The following SLC39A11 variants were observed in gnomAD, a reference collection of about 807,000 sequenced individuals.
SLC39A11 encodes zinc transporter ZIP11.
SLC39A11 carries 33 observed loss-of-function variants against 36.1 expected under a neutral mutation model. The observed-to-expected ratio is 0.91, with a 90% CI of 0.69 to 1.22. The LOEUF is 1.22. Ranked by LOEUF, SLC39A11 falls within the 50% of genes most tolerant of loss-of-function variation. The pLI is 0.00. For missense variants in SLC39A11, 432 were observed against 430.3 expected, an observed-to-expected ratio of 1.00 and a Z score of -0.03; for synonymous variants, 166 against 170.3, an observed-to-expected ratio of 0.97 and a Z score of 0.20.
intron 7 of SLC39A11, among the ~76,000 whole-genome samples, chr17:72,731,071 TATTA>T (rs1333640873): frequency 2.6e-5 from 4 of 152,104 alleles, no homozygotes; most frequent in Admixed American, 6.5e-5. Context: ...TTTCTTTACG[TATTA>T]TTTAGGGCTA....
intron 6 of SLC39A11, among the ~76,000 whole-genome samples, chr17:72,833,757 T>C (rs2078388411): frequency 6.6e-6 from 1 of 152,102 alleles, no homozygotes; most frequent in African/African-American, 2.4e-5. Context: ...TCAGCCCTTG[T>C]GCAGCTCCTT....
chr17:72,822,617 G>A (rs539190684), intron 6 of SLC39A11, among the ~76,000 whole-genome samples: 2 of 151,250 alleles, frequency 1.3e-5, no homozygotes, highest in South Asian at 2.1e-4. Flanking sequence ...CTGGTCAGGC[G>A]TTCTCACCAG....
chr17:72,680,286 T>C (rs2071457219), intron 7 of SLC39A11, among the ~76,000 whole-genome samples: 1 of 152,138 alleles, frequency 6.6e-6, no homozygotes, highest in South Asian at 2.1e-4. Context: ...TGACTCTGCT[T>C]CTGTCTCTAT....
intron 5 of SLC39A11, among the ~76,000 whole-genome samples, chr17:72,924,373 T>C (rs1264805182): frequency 6.6e-6 from 1 of 151,990 alleles, no homozygotes; most frequent in African/African-American, 2.4e-5. Context: ...AAGTGGCCTG[T>C]AATTAAATCC....
At chr17:73,007,253 T>C (rs2344570) in intron 4 of SLC39A11, among the ~76,000 whole-genome samples, 28,409 of 152,052 alleles carry the variant, frequency 0.19, 3,489 homozygotes, top group East Asian at 0.34. Context: ...AAATCCCATC[T>C]CTACTAAAAT....
chr17:72,801,411 G>A (rs777218362), intron 6 of SLC39A11, among the ~76,000 whole-genome samples: 8 of 152,202 alleles, frequency 5.3e-5, no homozygotes, highest in Non-Finnish European at 1.2e-4. Context: ...TGTTTTAGTA[G>A]AGACAGGGTT....
intron 7 of SLC39A11, among the ~76,000 whole-genome samples, chr17:72,707,570 TAAG>T (rs1205962809): frequency 6.6e-6 from 1 of 152,142 alleles, no homozygotes; most frequent in Non-Finnish European, 1.5e-5. Flanking sequence ...AAAGATCACT[TAAG>T]GAGGAGAAAT....
At chr17:73,089,245 C>T (rs1313517126) in intron 1 of SLC39A11, among the ~76,000 whole-genome samples, 1 of 152,138 alleles carries the variant, frequency 6.6e-6, no homozygotes, top group Non-Finnish European at 1.5e-5. Flanking sequence ...ATCACATCTG[C>T]AACAGCGCAC....
chr17:72,736,286 A>T (rs2074426124), intron 7 of SLC39A11, among the ~76,000 whole-genome samples: 1 of 152,176 alleles, frequency 6.6e-6, no homozygotes, highest in Non-Finnish European at 1.5e-5. Context: ...GGACCCTAGC[A>T]TCAAGAAAGA....
intron 7 of SLC39A11, among the ~76,000 whole-genome samples, chr17:72,708,884 G>T (rs1042827258): frequency 2.0e-4 from 30 of 152,056 alleles, no homozygotes; most frequent in African/African-American, 6.5e-4. Flanking sequence ...CATAACGCAT[G>T]AACTTTGCCT....
At chr17:72,647,813 C>A in intron 9 of SLC39A11, 151 bp from the exon 10 acceptor site, 4 of 629,476 alleles carry the variant, frequency 6.4e-6, no homozygotes, top group Non-Finnish European at 5.7e-6. Flanking sequence ...ATGTGCCAGG[C>A]AAACTAATGA....
At chr17:72,765,335 C>A (rs576535072) in intron 6 of SLC39A11, among the ~76,000 whole-genome samples, 3 of 152,200 alleles carry the variant, frequency 2.0e-5, no homozygotes, top group Non-Finnish European at 2.9e-5. Context: ...CCAATGATTG[C>A]ATTCACAACA....
intron 7 of SLC39A11, among the ~76,000 whole-genome samples, chr17:72,661,967 C>T (rs1210074329): frequency 1.3e-5 from 2 of 152,160 alleles, no homozygotes; most frequent in Non-Finnish European, 2.9e-5. Flanking sequence ...TCACTGACTC[C>T]CAGAGGAATG....
At chr17:72,792,849 C>T (rs571694942) in intron 6 of SLC39A11, among the ~76,000 whole-genome samples, 18 of 152,290 alleles carry the variant, frequency 1.2e-4, no homozygotes, top group African/African-American at 3.6e-4. Flanking sequence ...ATAAACACTG[C>T]CCATTGTGCG....
intron 4 of SLC39A11, among the ~76,000 whole-genome samples, chr17:73,021,960 C>T (rs1307306005): frequency 1.3e-5 from 2 of 152,228 alleles, no homozygotes; most frequent in African/African-American, 2.4e-5. Flanking sequence ...TGTGTGCGCG[C>T]GTGTTCGTGC....
chr17:72,903,968 T>A (rs1354023274), intron 5 of SLC39A11, among the ~76,000 whole-genome samples: 3 of 152,160 alleles, frequency 2.0e-5, no homozygotes, highest in African/African-American at 7.2e-5. Flanking sequence ...TTAATAGTGC[T>A]GAAGACGGGA....
At chr17:73,069,006 C>A (rs1449749739) in intron 3 of SLC39A11, among the ~76,000 whole-genome samples, 1 of 152,174 alleles carries the variant, frequency 6.6e-6, no homozygotes, top group African/African-American at 2.4e-5. Context: ...CCTCAACCTA[C>A]CTCTCTGGCA....
At chr17:72,670,204 CACACACACATAT>C (rs763671685) in intron 7 of SLC39A11, among the ~76,000 whole-genome samples, 247 of 79,578 alleles carry the variant, frequency 3.1e-3, no homozygotes, top group African/African-American at 5.5e-3. Flanking sequence ...CACACACACA[CACACACACATAT>C]ATATATATGC....
chr17:73,008,071 C>A (rs2090282187), intron 4 of SLC39A11, among the ~76,000 whole-genome samples: 1 of 149,070 alleles, frequency 6.7e-6, no homozygotes, highest in Non-Finnish European at 1.5e-5. Context: ...CCACTGCACT[C>A]CAGCCTGGGT....
Sources: gnomAD v4.1 joint callset for allele counts (sites outside exome capture counted in the v4.1 genomes callset) on GRCh38, gnomAD v4.1.1 for gene constraint, MANE v1.5 for transcripts, NCBI Gene and HGNC (gene_info 2026-07-23, HGNC 2026-07-21) for gene names.